LRRC4C: variants seen among roughly 807,000 people sequenced by gnomAD.
The protein encoded by LRRC4C is leucine-rich repeat-containing protein 4C.
A neutral mutation model predicts 33.6 loss-of-function variants in LRRC4C; 5 were observed. The ratio of observed to expected loss-of-function variants is 0.15; its 90% confidence interval spans 0.08 to 0.31. The LOEUF (loss-of-function observed/expected upper bound fraction) is 0.31, where lower values mean the gene tolerates loss of function less well. LRRC4C is among the 10% of genes least tolerant of loss of function. The pLI, the probability that LRRC4C is intolerant of heterozygous loss-of-function variation, is 1.00. For missense variants in LRRC4C, 560 were observed against 796.7 expected (o/e 0.70, Z 3.58); for synonymous variants, 329 against 302.0 (o/e 1.09, Z -0.93).
intron 2 of LRRC4C, among the ~76,000 whole-genome samples, chr11:40,907,207 GTCTT>G (rs1438762049): frequency 6.6e-6 from 1 of 152,200 alleles, no homozygotes; most frequent in Non-Finnish European, 1.5e-5. Flanking sequence ...GATGTAGAAT[GTCTT>G]TCTTTTTTGT....
chr11:41,398,517 A>G (rs1365857727), intron 1 of LRRC4C, among the ~76,000 whole-genome samples: 1 of 151,760 alleles, frequency 6.6e-6, no homozygotes, highest in African/African-American at 2.4e-5. Context: ...CATTCCATTC[A>G]CTCCTAGAAA....
intron 1 of LRRC4C, among the ~76,000 whole-genome samples, chr11:41,335,131 G>A (rs997102675): frequency 3.3e-5 from 5 of 152,098 alleles, no homozygotes; most frequent in Admixed American, 3.3e-4. Context: ...GAGTATCTCT[G>A]TTTATTTTTG....
chr11:40,157,170 C>G (rs971061360), intron 5 of LRRC4C, among the ~76,000 whole-genome samples: 1 of 152,016 alleles, frequency 6.6e-6, no homozygotes, highest in East Asian at 1.9e-4. Context: ...AAAGGACACC[C>G]CTTCAACAAA....
chr11:40,798,925 T>C (rs889980473), intron 2 of LRRC4C, among the ~76,000 whole-genome samples: 1 of 152,212 alleles, frequency 6.6e-6, no homozygotes, highest in Non-Finnish European at 1.5e-5. Context: ...ATTACGAGCG[T>C]GAGCCACCAT....
intron 2 of LRRC4C, among the ~76,000 whole-genome samples, chr11:40,903,106 C>T (rs539134239): frequency 1.9e-4 from 29 of 152,240 alleles, no homozygotes; most frequent in African/African-American, 6.5e-4. Flanking sequence ...CAGACTGACT[C>T]TCTTGTAACA....
intron 5 of LRRC4C, among the ~76,000 whole-genome samples, chr11:40,233,696 C>A (rs543936149): frequency 1.3e-5 from 2 of 152,180 alleles, no homozygotes; most frequent in East Asian, 3.9e-4. Flanking sequence ...CTTGAGTGAA[C>A]AATGACATGT....
At chr11:41,430,961 ATTG>A (rs1955211959) in intron 1 of LRRC4C, among the ~76,000 whole-genome samples, 1 of 152,116 alleles carries the variant, frequency 6.6e-6, no homozygotes, top group African/African-American at 2.4e-5. Context: ...AGTTTAATGC[ATTG>A]TTGTGGCACT....
At chr11:40,673,701 T>C (rs1413831285) in intron 2 of LRRC4C, among the ~76,000 whole-genome samples, 1 of 152,220 alleles carries the variant, frequency 6.6e-6, no homozygotes, top group Non-Finnish European at 1.5e-5. Context: ...AATAAGTACA[T>C]ACTATGATTA....
chr11:41,188,903 C>G (rs1468322357), intron 1 of LRRC4C, among the ~76,000 whole-genome samples: 1 of 67,614 alleles, frequency 1.5e-5, no homozygotes, highest in Non-Finnish European at 3.2e-5. Flanking sequence ...CAGGACCTGC[C>G]CCCCCCCCCA....
intron 2 of LRRC4C, among the ~76,000 whole-genome samples, chr11:40,888,073 G>T (rs1483818373): frequency 6.6e-6 from 1 of 151,830 alleles, no homozygotes; most frequent in African/African-American, 2.4e-5. Context: ...TTGATTTTTA[G>T]ATCAACATAT....
rs186245396 is a variant in LRRC4C at position 41,343,366 on chromosome 11, G to C, written c.-496+116065C>G. On this transcript the variant is annotated intron_variant, in intron 1 of 6. Coordinates refer to ENST00000528697, the MANE Select transcript of LRRC4C (RefSeq NM_001258419.2). ...GGGAAGAGCAAGGGATGATTAAAGA[G>C]AAAACAAAACAAAACAAAACAAAAC... Among the ~76,000 whole-genome samples, 690 of 151,616 alleles carry C rather than the reference G, an allele frequency of 4.6e-3. 8 individuals are homozygous for C. Among genetic ancestry groups the C allele is most frequent in the African/African-American group, 0.016 (655 of 41,342 alleles).
At chr11:41,139,135 A>G (rs897981427) in intron 1 of LRRC4C, among the ~76,000 whole-genome samples, 1 of 152,194 alleles carries the variant, frequency 6.6e-6, no homozygotes, top group African/African-American at 2.4e-5. Context: ...ATCTAGTTGA[A>G]TACTTAATAT....
intron 3 of LRRC4C, among the ~76,000 whole-genome samples, chr11:40,587,057 A>C (rs1300109303): frequency 6.6e-6 from 1 of 151,736 alleles, no homozygotes; most frequent in Admixed American, 6.6e-5. Flanking sequence ...TCTATAAATT[A>C]CCTTGGGCAG....
intron 1 of LRRC4C, among the ~76,000 whole-genome samples, chr11:41,387,165 T>A (rs1352498140): frequency 6.6e-6 from 1 of 151,468 alleles, no homozygotes; most frequent in East Asian, 2.0e-4. Flanking sequence ...CTCCTGTAGA[T>A]AACTAGACAT....
intron 1 of LRRC4C, among the ~76,000 whole-genome samples, chr11:41,155,747 C>A (rs542706889): frequency 6.6e-6 from 1 of 152,100 alleles, no homozygotes; most frequent in Non-Finnish European, 1.5e-5. Flanking sequence ...GATGGAATAC[C>A]CAATGTAACT....
At chr11:40,806,689 T>G (rs1477588795) in intron 2 of LRRC4C, among the ~76,000 whole-genome samples, 1 of 152,242 alleles carries the variant, frequency 6.6e-6, no homozygotes, top group Middle Eastern at 3.2e-3. Context: ...TATATTTACA[T>G]GTGAGTCACA....
intron 2 of LRRC4C, among the ~76,000 whole-genome samples, chr11:40,871,806 C>A (rs1234967899): frequency 6.6e-6 from 1 of 152,138 alleles, no homozygotes; most frequent in African/African-American, 2.4e-5. Flanking sequence ...CTTCTTTATA[C>A]CTGCCTTACA....
chr11:40,412,456 T>G (rs2137652648), intron 3 of LRRC4C, among the ~76,000 whole-genome samples: 1 of 152,216 alleles, frequency 6.6e-6, no homozygotes, highest in South Asian at 2.1e-4. Flanking sequence ...AATCTTTTGT[T>G]TTTAAATCTT....
intron 2 of LRRC4C, among the ~76,000 whole-genome samples, chr11:40,851,182 A>G (rs1953472401): frequency 6.6e-6 from 1 of 150,724 alleles, no homozygotes; most frequent in African/African-American, 2.4e-5. Context: ...GTATGGGGGA[A>G]AAAAAAAACC....
Sources: allele counts gnomAD v4.1 joint callset (sites outside exome capture counted in the v4.1 genomes callset), GRCh38; gene constraint gnomAD v4.1.1; transcripts MANE v1.5; gene names NCBI Gene and HGNC (gene_info 2026-07-23, HGNC 2026-07-21).